Variants in LHFPL3 observed in about 807,000 individuals in gnomAD.
LHFPL3 encodes the protein LHFPL tetraspan subfamily member 3, also known as LHFPL tetraspan subfamily member 3 protein.
Under a neutral mutation model 19.3 loss-of-function variants are expected in LHFPL3, and 5 were observed. That is an observed-to-expected ratio of 0.26 (90% CI 0.14 to 0.54). LHFPL3 has a LOEUF of 0.54. Ranked by LOEUF, LHFPL3 falls within the 20% of genes least tolerant of loss-of-function variation. The pLI, the probability that LHFPL3 is intolerant of heterozygous loss-of-function variation, is 0.94. For missense variants in LHFPL3, 249 were observed against 307.4 expected, an observed-to-expected ratio of 0.81 and a Z score of 1.42; for synonymous variants, 133 against 126.2, an observed-to-expected ratio of 1.05 and a Z score of -0.36.
chr7:104,700,447 C>T (rs1181848072), intron 1 of LHFPL3, among the ~76,000 whole-genome samples: 4 of 152,198 alleles, frequency 2.6e-5, no homozygotes, highest in Middle Eastern at 3.2e-3. Flanking sequence ...ATCCCACCAG[C>T]ATGAAGGGCT....
Position 104,755,688 on chromosome 7 carries a change from CTTTG to C in LHFPL3, c.682+18797_682+18800del, listed in dbSNP as rs57233807. Among the ~76,000 whole-genome samples the C allele has an allele frequency of 9.6e-4, 145 of 151,808 alleles. 1 individual carries two copies. Among genetic ancestry groups the C allele is most frequent in the East Asian group, 6.4e-3 (33 of 5,138 alleles). On this transcript the variant is annotated intron_variant, in intron 2 of 2. Transcript: ENST00000424859. ...TTTGGTGTTTGTTTGTTGTTTGTTT[CTTTG>C]TTTGTTTGTTTGTTTGTTTTGAGAT...
At chr7:104,439,757 G>A (rs951854316) in intron 1 of LHFPL3, among the ~76,000 whole-genome samples, 12 of 151,994 alleles carry the variant, frequency 7.9e-5, no homozygotes, top group Non-Finnish European at 1.6e-4. Flanking sequence ...GTAAAAAACT[G>A]AACGCTTTTC....
chr7:104,503,776 C>T (rs1242464572), intron 1 of LHFPL3, among the ~76,000 whole-genome samples: 2 of 152,016 alleles, frequency 1.3e-5, no homozygotes, highest in African/African-American at 4.8e-5. Context: ...TGCCAGATTG[C>T]CTAGGCTGGT....
At chr7:104,480,107 G>T (rs1793101939) in intron 1 of LHFPL3, among the ~76,000 whole-genome samples, 1 of 152,200 alleles carries the variant, frequency 6.6e-6, no homozygotes. Flanking sequence ...AGAAAGCCTT[G>T]CATAGTAGGT....
chr7:104,616,656 G>A (rs1298658996), intron 1 of LHFPL3, among the ~76,000 whole-genome samples: 1 of 152,138 alleles, frequency 6.6e-6, no homozygotes, highest in Non-Finnish European at 1.5e-5. Flanking sequence ...TTAAACTAAA[G>A]AGCTTCTGCA....
chr7:104,501,394 C>T (rs1194017889), intron 1 of LHFPL3, among the ~76,000 whole-genome samples: 5 of 152,172 alleles, frequency 3.3e-5, no homozygotes, highest in South Asian at 2.1e-4. Flanking sequence ...GTGCTCTATA[C>T]AGTTGCTAAT....
At chr7:104,582,731 T>C (rs939870954) in intron 1 of LHFPL3, among the ~76,000 whole-genome samples, 1 of 152,026 alleles carries the variant, frequency 6.6e-6, no homozygotes, top group African/African-American at 2.4e-5. Flanking sequence ...TATGTTAATA[T>C]GATAAATTAC....
intron 1 of LHFPL3, among the ~76,000 whole-genome samples, chr7:104,449,206 T>C (rs1362321551): frequency 6.6e-6 from 1 of 152,238 alleles, no homozygotes; most frequent in Non-Finnish European, 1.5e-5. Flanking sequence ...CAAGGATTTC[T>C]AACAAAGCAA....
At chr7:104,740,271 A>T (rs1793908955) in intron 2 of LHFPL3, among the ~76,000 whole-genome samples, 1 of 152,236 alleles carries the variant, frequency 6.6e-6, no homozygotes, top group Admixed American at 6.5e-5. Flanking sequence ...CAGCATGAAA[A>T]TGAACAAATG....
intron 2 of LHFPL3, among the ~76,000 whole-genome samples, chr7:104,869,840 C>T (rs1791798200): frequency 6.6e-6 from 1 of 152,106 alleles, no homozygotes; most frequent in Admixed American, 6.5e-5. Context: ...TGGAACCAAC[C>T]CAAATGTCCA....
chr7:104,860,773 ATCTC>A (rs1197007703), intron 2 of LHFPL3, among the ~76,000 whole-genome samples: 18 of 152,338 alleles, frequency 1.2e-4, no homozygotes, highest in African/African-American at 3.4e-4. Flanking sequence ...CTCTTCTGAC[ATCTC>A]TCTTTCTCTT....
chr7:104,741,723 G>A (rs1422901562), intron 2 of LHFPL3, among the ~76,000 whole-genome samples: 1 of 151,902 alleles, frequency 6.6e-6, no homozygotes, highest in East Asian at 1.9e-4. Context: ...ATTGGCGGCG[G>A]GGGTTGTTTT....
intron 2 of LHFPL3, among the ~76,000 whole-genome samples, chr7:104,856,546 C>A (rs983923774): frequency 3.9e-5 from 6 of 152,252 alleles, no homozygotes; most frequent in Admixed American, 1.3e-4. Flanking sequence ...CTGAGCCCGG[C>A]CAACTCTAGA....
chr7:104,748,652 C>T (rs1468593841), intron 2 of LHFPL3, among the ~76,000 whole-genome samples: 3 of 151,708 alleles, frequency 2.0e-5, no homozygotes, highest in Non-Finnish European at 4.4e-5. Flanking sequence ...CTGACCCTCT[C>T]CCCACAATTG....
rs114773789 is a variant in LHFPL3 at position 104,533,572 on chromosome 7, T to A, written c.446-203103T>A. Among the ~76,000 whole-genome samples the A allele has an allele frequency of 3.0e-3, 456 of 152,338 alleles. 3 individuals are homozygous for A. Among genetic ancestry groups the A allele is most frequent in the African/African-American group, 9.6e-3 (400 of 41,584 alleles). ...TCTTCCACTAACCTGTACCCCTCTT[T>A]CTGCTCCCTTTCATAATCCACACAG... On this transcript the variant is annotated intron_variant, in intron 1 of 2. Coordinates refer to ENST00000424859, the MANE Select transcript of LHFPL3 (RefSeq NM_199000.3).
intron 2 of LHFPL3, among the ~76,000 whole-genome samples, chr7:104,782,948 G>GCACA (rs544632110): frequency 1.3e-5 from 2 of 152,160 alleles, no homozygotes; most frequent in East Asian, 3.9e-4. Flanking sequence ...GCGCACGCGC[G>GCACA]CACACACACA....
chr7:104,392,094 A>G lies in LHFPL3; in HGVS notation c.445+62870A>G, dbSNP rs183341776. ...CTTAAGGAGATTTTGGGCTGAGATG[A>G]TGGGGTTTTCTAAATTTACAGTCGT... On this transcript the variant is annotated intron_variant, in intron 1 of 2. Coordinates refer to ENST00000424859, the MANE Select transcript of LHFPL3 (RefSeq NM_199000.3). 7.9e-3 allele frequency among the ~76,000 whole-genome samples: 1,204 copies of G among 152,264 alleles called. 15 individuals are homozygous for G. The highest frequency in any genetic ancestry group is 0.027 in the African/African-American group (1,138 of 41,552).
intron 1 of LHFPL3, among the ~76,000 whole-genome samples, chr7:104,368,365 G>C (rs776140919): frequency 1.3e-5 from 2 of 152,160 alleles, no homozygotes; most frequent in Non-Finnish European, 2.9e-5. Context: ...AAAAAAAAGG[G>C]ACCTGAACGG....
At chr7:104,392,542 G>T (rs578143390) in intron 1 of LHFPL3, among the ~76,000 whole-genome samples, 81 of 152,222 alleles carry the variant, frequency 5.3e-4, no homozygotes, top group Non-Finnish European at 9.6e-4. Flanking sequence ...AAGCCCACTT[G>T]ATCATGGTGG....
Sources: gnomAD v4.1 joint callset for allele counts (sites outside exome capture counted in the v4.1 genomes callset) on GRCh38, gnomAD v4.1.1 for gene constraint, MANE v1.5 for transcripts, NCBI Gene and HGNC (gene_info 2026-07-23, HGNC 2026-07-21) for gene names.